The following NUP98 variants were observed in gnomAD, a reference collection of about 807,000 sequenced individuals.
The protein encoded by NUP98 is nuclear pore complex protein Nup98-Nup96.
A neutral mutation model predicts 191.9 loss-of-function variants in NUP98; 26 were observed. That is an observed-to-expected ratio of 0.14 (90% CI 0.10 to 0.19). The LOEUF (loss-of-function observed/expected upper bound fraction) is 0.19. Ranked by LOEUF, NUP98 falls within the 10% of genes least tolerant of loss-of-function variation. The pLI is 1.00. For synonymous variants in NUP98, 808 were observed against 778.4 expected, an observed-to-expected ratio of 1.04 and a Z score of -0.63; for missense variants, 1,941 against 2,178.8, an observed-to-expected ratio of 0.89 and a Z score of 2.17.
intron 20 of NUP98, among the ~76,000 whole-genome samples, chr11:3,708,015 T>C (rs1263851300): frequency 6.6e-6 from 1 of 151,910 alleles, no homozygotes; most frequent in Non-Finnish European, 1.5e-5. Context: ...GCAGGAAAAT[T>C]GCTTGAACCT....
chr11:3,739,416 T>C (rs889366448), intron 12 of NUP98, among the ~76,000 whole-genome samples: 10 of 152,040 alleles, frequency 6.6e-5, no homozygotes, highest in African/African-American at 2.4e-4. Flanking sequence ...GCCCGGCTAA[T>C]TTTTGTATTT....
At chr11:3,780,854 C>A (rs188882032) in intron 2 of NUP98, among the ~76,000 whole-genome samples, 1 of 151,976 alleles carries the variant, frequency 6.6e-6, no homozygotes, top group East Asian at 1.9e-4. Context: ...CCGAGGCGGG[C>A]AGATTGCTTG....
intron 8 of NUP98, among the ~76,000 whole-genome samples, chr11:3,766,355 TGCA>T (rs1371004722): frequency 6.8e-6 from 1 of 146,692 alleles, no homozygotes; most frequent in African/African-American, 2.5e-5. Flanking sequence ...CCTGGGTGAC[TGCA>T]GCGAGGCCTG....
intron 8 of NUP98, among the ~76,000 whole-genome samples, chr11:3,766,113 AC>A (rs2081330071): frequency 6.6e-6 from 1 of 152,162 alleles, no homozygotes. Flanking sequence ...AGCTGCTCAC[AC>A]CTGTAATCTC....
intron 27 of NUP98, 125 bp downstream of exon 27, chr11:3,693,107 G>T: frequency 1.1e-6 from 1 of 884,296 alleles, no homozygotes; most frequent in Non-Finnish European, 1.7e-6. Flanking sequence ...GACACTTGGG[G>T]AAGTAGCCTT....
At chr11:3,792,023 C>T (rs2082368525) in intron 1 of NUP98, among the ~76,000 whole-genome samples, 1 of 148,294 alleles carries the variant, frequency 6.7e-6, no homozygotes, top group African/African-American at 2.5e-5. Flanking sequence ...ACTAAAAATA[C>T]AAAAAATTAG....
chr11:3,726,113 C>T (rs1471530663), intron 14 of NUP98, among the ~76,000 whole-genome samples: 1 of 152,128 alleles, frequency 6.6e-6, no homozygotes, highest in Non-Finnish European at 1.5e-5. Context: ...CATTTATAAA[C>T]TAACAGTATA....
intron 6 of NUP98, among the ~76,000 whole-genome samples, chr11:3,772,156 T>C (rs898633570): frequency 5.9e-5 from 9 of 152,158 alleles, no homozygotes; most frequent in African/African-American, 2.2e-4. Flanking sequence ...AGTCAATATC[T>C]TAATCTCAGT....
At chr11:3,771,453 G>C (rs2081529024) in intron 7 of NUP98, among the ~76,000 whole-genome samples, 1 of 152,080 alleles carries the variant, frequency 6.6e-6, no homozygotes, top group African/African-American at 2.4e-5. Flanking sequence ...TTTAGACTCA[G>C]TTTCCACTAG....
At chr11:3,743,269 G>A (rs936495018) in intron 12 of NUP98, among the ~76,000 whole-genome samples, 29 of 149,950 alleles carry the variant, frequency 1.9e-4, no homozygotes, top group Non-Finnish European at 1.2e-4. Context: ...CACCCGCCTC[G>A]GCCTCCCAAA....
At chr11:3,784,605 A>AAAAAAAAAC (rs1554904743) in intron 1 of NUP98, among the ~76,000 whole-genome samples, 9 of 141,928 alleles carry the variant, frequency 6.3e-5, no homozygotes, top group Non-Finnish European at 9.3e-5. Flanking sequence ...ACAAAAAAAA[A>AAAAAAAAAC]CAAAAAACAT....
At position 3,725,179 on chromosome 11, in the gene NUP98, T is replaced by C. The variant is rs1413582350; in HGVS notation, c.1771A>G (p.Ser591Gly). The C allele has an allele frequency of 3.1e-6, 5 of 1,599,704 alleles. No homozygotes were observed. The Admixed American group carries it at 5.0e-5, about 16-fold the overall frequency. The change falls in exon 15 of 33, where the codon AGC becomes GGC. Residue 591 changes from serine to glycine, a missense_variant. Around this residue, in one of 6 missense-constraint regions of NUP98, gnomAD observed 453 missense variants for 438.2 expected, o/e 1.03. Coordinates refer to ENST00000324932, the MANE Select transcript of NUP98 (RefSeq NM_016320.5). ...KKLVLKNLNN[S>G]NLFSPVNRDS... ...CGATTAACAGGAGAAAAGAGATTGC[T>C]ATTATTAAGGTTCTTCAAAACCAAC... is the stretch of plus-strand genomic sequence containing the variant.
intron 12 of NUP98, among the ~76,000 whole-genome samples, chr11:3,738,667 T>C (rs1230882303): frequency 1.3e-5 from 2 of 148,202 alleles, no homozygotes; most frequent in South Asian, 2.1e-4. Flanking sequence ...TAGTCCCAGC[T>C]ACGCAGGAGG....
At chr11:3,705,789 A>C (rs527488040) in intron 21 of NUP98, among the ~76,000 whole-genome samples, 1 of 152,286 alleles carries the variant, frequency 6.6e-6, no homozygotes, top group South Asian at 2.1e-4. Context: ...AGACAAAGTA[A>C]TATTTTATAG....
intron 28 of NUP98, among the ~76,000 whole-genome samples, chr11:3,688,752 G>A (rs759342940): frequency 1.3e-5 from 2 of 148,570 alleles, no homozygotes; most frequent in Non-Finnish European, 3.0e-5. Context: ...GCAAGATCAC[G>A]CCACTGCACT....
intron 12 of NUP98, among the ~76,000 whole-genome samples, chr11:3,742,118 G>A (rs2080305673): frequency 6.6e-6 from 1 of 152,166 alleles, no homozygotes; most frequent in African/African-American, 2.4e-5. Context: ...ACTGCTGCAG[G>A]AGGACAGAGG....
intron 12 of NUP98, among the ~76,000 whole-genome samples, chr11:3,737,879 GTT>G (rs75865492): frequency 2.1e-5 from 3 of 142,410 alleles, no homozygotes; most frequent in South Asian, 2.2e-4. Flanking sequence ...ATAAAGAAAA[GTT>G]TTTTTTTTTT....
intron 25 of NUP98, among the ~76,000 whole-genome samples, chr11:3,696,157 C>T (rs750298563): frequency 2.0e-5 from 3 of 152,092 alleles, no homozygotes; most frequent in Admixed American, 6.6e-5. Flanking sequence ...CACCATTGCA[C>T]TCCAGCCTGG....
At chr11:3,730,189 C>T (rs1456533507) in intron 14 of NUP98, among the ~76,000 whole-genome samples, 3 of 150,084 alleles carry the variant, frequency 2.0e-5, no homozygotes, top group Non-Finnish European at 4.5e-5. Context: ...GAGCCGAGAT[C>T]GTGCCACTGC....
Sources: gnomAD v4.1 joint callset for allele counts (sites outside exome capture counted in the v4.1 genomes callset) on GRCh38, gnomAD v4.1.1 for gene constraint, gnomAD v4.1.1 regional missense constraint, MANE v1.5 for transcripts, NCBI Gene and HGNC (gene_info 2026-07-23, HGNC 2026-07-21) for gene names.